The following FBXW11 variants were observed in gnomAD, a reference collection of about 807,000 sequenced individuals.
The protein encoded by FBXW11 is F-box/WD repeat-containing protein 11.
FBXW11 carries 19 observed loss-of-function variants against 77.6 expected under a neutral mutation model. That is an observed-to-expected ratio of 0.24 (90% CI 0.17 to 0.36). FBXW11 has a LOEUF of 0.36. FBXW11 is among the 10% of genes least tolerant of loss of function. The probability of loss-of-function intolerance (pLI) is 1.00; values close to 1 mark genes in which losing one functional copy is unlikely to be tolerated. For missense variants in FBXW11, 334 were observed against 704.2 expected, an observed-to-expected ratio of 0.47 and a Z score of 5.95; for synonymous variants, 235 against 249.4, an observed-to-expected ratio of 0.94 and a Z score of 0.54.
At chr5:171,991,422 G>A (rs183740832) in intron 1 of FBXW11, among the ~76,000 whole-genome samples, 1 of 152,260 alleles carries the variant, frequency 6.6e-6, no homozygotes, top group African/African-American at 2.4e-5. Flanking sequence ...CATTGGAACA[G>A]TTCACAGTTT....
At chr5:171,901,215 G>C (rs1314847779) in intron 4 of FBXW11, among the ~76,000 whole-genome samples, 1 of 152,114 alleles carries the variant, frequency 6.6e-6, no homozygotes, top group Non-Finnish European at 1.5e-5. Flanking sequence ...ACAGTTTTAT[G>C]AAAACATTTT....
At chr5:171,864,917 G>A (rs1193535187) in intron 13 of FBXW11, among the ~76,000 whole-genome samples, 28 of 149,004 alleles carry the variant, frequency 1.9e-4, no homozygotes, top group African/African-American at 6.7e-4. Flanking sequence ...CACAATAAGT[G>A]ATGCACTAAA....
Position 171,943,241 on chromosome 5 carries a change from G to C in FBXW11, c.147+14356C>G. On this transcript the variant is annotated intron_variant, in intron 2 of 13. Coordinates refer to ENST00000517395, the MANE Select transcript of FBXW11 (RefSeq NM_001378974.1). ...TTCTCTGCATGTAACATAAGGCATGGGACATAGTAGGACTCAGAACCATGG... is the reference window on the plus strand; with the variant it reads ...TTCTCTGCATGTAACATAAGGCATGCGACATAGTAGGACTCAGAACCATGG... 1.3e-5 allele frequency among the ~76,000 whole-genome samples: 2 copies of C among 152,138 alleles called. 1 individual carries two copies. The highest frequency in any genetic ancestry group is 2.9e-5 in the Non-Finnish European group (2 of 68,038).
At chr5:171,989,648 A>T (rs1765627208) in intron 1 of FBXW11, among the ~76,000 whole-genome samples, 1 of 152,258 alleles carries the variant, frequency 6.6e-6, no homozygotes, top group Non-Finnish European at 1.5e-5. Flanking sequence ...CAGGCAAAGG[A>T]AGGAAAAGGG....
chr5:171,987,514 A>C (rs1449992083), intron 1 of FBXW11, among the ~76,000 whole-genome samples: 1 of 151,996 alleles, frequency 6.6e-6, no homozygotes, highest in African/African-American at 2.4e-5. Context: ...GCAGTGGCAC[A>C]ATCTCAGCTC....
At chr5:171,940,326 G>GA (rs1020446758) in intron 2 of FBXW11, among the ~76,000 whole-genome samples, 6 of 152,150 alleles carry the variant, frequency 3.9e-5, no homozygotes, top group African/African-American at 1.2e-4. Context: ...CTAATACATA[G>GA]AACAAGGAGG....
chr5:171,892,564 C>T (rs1036865306), intron 6 of FBXW11, among the ~76,000 whole-genome samples: 1 of 152,160 alleles, frequency 6.6e-6, no homozygotes, highest in Non-Finnish European at 1.5e-5. Flanking sequence ...TCCAAAAGTG[C>T]CAAATGAGTG....
chr5:171,907,979 A>G (rs1022507336), intron 4 of FBXW11, among the ~76,000 whole-genome samples: 1 of 152,250 alleles, frequency 6.6e-6, no homozygotes, highest in African/African-American at 2.4e-5. Context: ...TGAGAAGCAA[A>G]TTACAGGGAA....
In FBXW11 at chr5:171,878,035, G is replaced by C; in HGVS notation, c.947C>G (p.Thr316Ser). Residue 316 changes from threonine (T) to serine (S), a missense_variant, in exon 8 of 14, where the codon ACT becomes AGT. Transcript: ENST00000517395. ...CCTCACCGTAGAATCTGAAGAGCCA[G>C]TTACAATGACACGCTCATCATACTG... ...CLQYDERVIVTGSSDSTVRVW... is the reference protein window; with the variant it reads ...CLQYDERVIVSGSSDSTVRVW... The C allele has an allele frequency of 5.6e-6, 9 of 1,613,688 alleles. No individual in the cohort carries two copies. The highest frequency in any genetic ancestry group is 7.6e-6 in the Non-Finnish European group (9 of 1,179,636).
chr5:171,940,123 T>C (rs1375427226), intron 2 of FBXW11, among the ~76,000 whole-genome samples: 2 of 152,236 alleles, frequency 1.3e-5, no homozygotes, highest in African/African-American at 2.4e-5. Context: ...GAGGGCCCAC[T>C]GTAATTCTAA....
chr5:171,914,813 C>G (rs1370918052), intron 2 of FBXW11, among the ~76,000 whole-genome samples: 1 of 152,158 alleles, frequency 6.6e-6, no homozygotes, highest in Non-Finnish European at 1.5e-5. Flanking sequence ...AAGGAATCCG[C>G]AATTAGAAGT....
At chr5:171,968,732 C>T (rs1157245425) in intron 1 of FBXW11, among the ~76,000 whole-genome samples, 4 of 152,068 alleles carry the variant, frequency 2.6e-5, no homozygotes, top group Non-Finnish European at 5.9e-5. Context: ...TATACTAGTG[C>T]CCCTGTCCCC....
At chr5:171,982,475 T>A (rs1358271290) in intron 1 of FBXW11, among the ~76,000 whole-genome samples, 1 of 152,184 alleles carries the variant, frequency 6.6e-6, no homozygotes, top group Admixed American at 6.5e-5. Flanking sequence ...GGTTACATCT[T>A]GTTGGTCAGG....
At chr5:171,965,554 A>C (rs1389070065) in intron 1 of FBXW11, among the ~76,000 whole-genome samples, 1 of 151,532 alleles carries the variant, frequency 6.6e-6, no homozygotes, top group Non-Finnish European at 1.5e-5. Context: ...AAAAAAAGAT[A>C]TCAGTACCCA....
chr5:171,953,222 C>T (rs945342991), intron 2 of FBXW11, among the ~76,000 whole-genome samples: 6 of 152,140 alleles, frequency 3.9e-5, no homozygotes, highest in African/African-American at 1.4e-4. Context: ...TCTCAAACTC[C>T]TGCCCTCAAG....
At chr5:171,981,749 C>T (rs191366075) in intron 1 of FBXW11, among the ~76,000 whole-genome samples, 133 of 152,310 alleles carry the variant, frequency 8.7e-4, no homozygotes, top group African/African-American at 3.0e-3. Context: ...AATACAAATG[C>T]TCACCCAAGT....
chr5:171,936,402 G>A (rs985492085), intron 2 of FBXW11, among the ~76,000 whole-genome samples: 65 of 149,418 alleles, frequency 4.4e-4, no homozygotes, highest in African/African-American at 1.5e-3. Flanking sequence ...GAGGCGGGCG[G>A]CCCCAATCAC....
intron 13 of FBXW11, among the ~76,000 whole-genome samples, chr5:171,866,943 C>T (rs1319834836): frequency 1.3e-5 from 2 of 152,150 alleles, no homozygotes; most frequent in Non-Finnish European, 2.9e-5. Flanking sequence ...AGTCTGAACA[C>T]ACTCGAGACC....
intron 1 of FBXW11, among the ~76,000 whole-genome samples, chr5:171,973,947 ATG>A (rs1230294421): frequency 6.6e-6 from 1 of 152,212 alleles, no homozygotes; most frequent in Non-Finnish European, 1.5e-5. Flanking sequence ...AATGATATAT[ATG>A]TGTGTGTATG....
Sources: allele counts gnomAD v4.1 joint callset (sites outside exome capture counted in the v4.1 genomes callset), GRCh38; gene constraint gnomAD v4.1.1; transcripts MANE v1.5; gene names NCBI Gene and HGNC (gene_info 2026-07-23, HGNC 2026-07-21).